The following CSMD1 variants were observed in gnomAD, a reference collection of about 807,000 sequenced individuals.
The protein encoded by CSMD1 is CUB and sushi domain-containing protein 1.
Under a neutral mutation model 417.5 loss-of-function variants are expected in CSMD1, and 213 were observed. The ratio of observed to expected loss-of-function variants is 0.51; its 90% confidence interval spans 0.46 to 0.57. CSMD1 has a LOEUF of 0.57. Ranked by LOEUF, CSMD1 falls within the 20% of genes least tolerant of loss-of-function variation. The probability of loss-of-function intolerance (pLI) is 0.00; values close to 1 mark genes in which losing one functional copy is unlikely to be tolerated. For synonymous variants in CSMD1, 2,862 were observed against 1,736.8 expected, an observed-to-expected ratio of 1.65 and a Z score of -16.11; for missense variants, 6,923 against 4,529.7, an observed-to-expected ratio of 1.53 and a Z score of -15.17.
At chr8:4,733,075 G>C (rs1810008661) in intron 1 of CSMD1, among the ~76,000 whole-genome samples, 2 of 151,912 alleles carry the variant, frequency 1.3e-5, no homozygotes, top group African/African-American at 4.8e-5. Flanking sequence ...ACCGAGGTTG[G>C]TATTTAAAAT....
chr8:3,629,376 A>G lies in CSMD1; in HGVS notation c.1010-12579T>C, dbSNP rs562781528. ...AGCGTCCTCCATTATTTATATGTGTATTTAGTTACATATAGTTATTGTTGG... is the reference window on the plus strand; with the variant it reads ...AGCGTCCTCCATTATTTATATGTGTGTTTAGTTACATATAGTTATTGTTGG... On this transcript the variant is annotated intron_variant, in intron 7 of 69. Transcript: ENST00000635120. Among the ~76,000 whole-genome samples, 296 of 152,244 alleles carry G rather than the reference A, an allele frequency of 1.9e-3. 2 individuals are homozygous for G. Among genetic ancestry groups the G allele is most frequent in the African/African-American group, 6.8e-3 (284 of 41,542 alleles).
At chr8:4,855,552 T>C (rs550273633) in intron 1 of CSMD1, among the ~76,000 whole-genome samples, 1 of 151,918 alleles carries the variant, frequency 6.6e-6, no homozygotes, top group African/African-American at 2.4e-5. Context: ...GAATAACCAA[T>C]ACCAAGAACT....
At chr8:4,287,620 C>A (rs1157137246) in intron 3 of CSMD1, among the ~76,000 whole-genome samples, 9 of 151,366 alleles carry the variant, frequency 5.9e-5, no homozygotes, top group Non-Finnish European at 7.4e-5. Context: ...TTTACATAAC[C>A]TTAATTAAAT....
intron 5 of CSMD1, among the ~76,000 whole-genome samples, 189 bp downstream of exon 5, chr8:3,997,714 G>C (rs576884332): frequency 5.3e-5 from 8 of 152,186 alleles, no homozygotes; most frequent in Non-Finnish European, 7.4e-5. Flanking sequence ...CCAGCACAAA[G>C]ACATCTTAGA....
intron 50 of CSMD1, among the ~76,000 whole-genome samples, chr8:3,035,424 A>C (rs577079316): frequency 6.6e-6 from 1 of 152,150 alleles, no homozygotes; most frequent in African/African-American, 2.4e-5. Flanking sequence ...GCTCACCCCA[A>C]CCAAGCCAGA....
intron 52 of CSMD1, among the ~76,000 whole-genome samples, chr8:3,016,468 T>G (rs570025496): frequency 6.6e-6 from 1 of 152,232 alleles, no homozygotes; most frequent in Non-Finnish European, 1.5e-5. Context: ...ATGTCTTTGA[T>G]AAAGGAATAT....
intron 2 of CSMD1, among the ~76,000 whole-genome samples, chr8:4,491,154 G>C (rs145503032): frequency 5.3e-5 from 8 of 152,114 alleles, no homozygotes; most frequent in Non-Finnish European, 1.0e-4. Flanking sequence ...CCAAGACACA[G>C]GTTTACCTAT....
intron 2 of CSMD1, among the ~76,000 whole-genome samples, chr8:4,455,518 G>A (rs1191782659): frequency 6.6e-6 from 1 of 152,130 alleles, no homozygotes; most frequent in Non-Finnish European, 1.5e-5. Context: ...CTCTGCAGCT[G>A]GACCAGAAAC....
intron 1 of CSMD1, among the ~76,000 whole-genome samples, chr8:4,729,419 C>G (rs191648494): frequency 1.3e-5 from 2 of 152,220 alleles, no homozygotes; most frequent in East Asian, 3.9e-4. Flanking sequence ...GTATCCACAA[C>G]TTCTTCAAAG....
Position 4,167,902 on chromosome 8 carries a change from C to T in CSMD1, c.416-135803G>A, listed in dbSNP as rs894356074. Among the ~76,000 whole-genome samples, 30 of 151,740 alleles carry T rather than the reference C, an allele frequency of 2.0e-4. No homozygotes were observed. The East Asian group carries it at 4.1e-3, about 21-fold the overall frequency. On this transcript the variant is annotated intron_variant, in intron 3 of 69. Coordinates refer to ENST00000635120, the MANE Select transcript of CSMD1 (RefSeq NM_033225.6). ...CAGCACTTTGGGAGGCTGAGGCAGG[C>T]GGACTGCCTGAGGTCAGGAGTTCAA... is the stretch of plus-strand genomic sequence containing the variant.
chr8:3,640,615 G>A lies in CSMD1; in HGVS notation c.1010-23818C>T, dbSNP rs549340168. Among the ~76,000 whole-genome samples, 17 of 152,348 alleles carry A rather than the reference G, an allele frequency of 1.1e-4. No individual in the cohort carries two copies. The East Asian group carries it at 2.9e-3, about 26-fold the overall frequency. On this transcript the variant is annotated intron_variant, in intron 7 of 69. Coordinates refer to ENST00000635120, the MANE Select transcript of CSMD1 (RefSeq NM_033225.6). Reference sequence around the variant, plus strand: ...CACTACAAAATCAAAGGTGGTCTCTGAGACCTCAGTCGTCCTGCTACGTAA... The same window carrying A: ...CACTACAAAATCAAAGGTGGTCTCTAAGACCTCAGTCGTCCTGCTACGTAA...
Position 3,398,512 on chromosome 8 carries a change from G to C in CSMD1, c.2405+879C>G, listed in dbSNP as rs150973500. Among the ~76,000 whole-genome samples the C allele has an allele frequency of 2.0e-5, 3 of 152,128 alleles. No homozygotes were observed. In the East Asian group the frequency reaches 5.8e-4, roughly 29 times the overall value. ...CCTTTCCTGTGTTGATGTTAGCATT[G>C]ATCATTTGAAAACAAAAAGATAATA... On this transcript the variant is annotated intron_variant, in intron 16 of 69. Coordinates refer to ENST00000635120, the MANE Select transcript of CSMD1 (RefSeq NM_033225.6).
chr8:3,188,783 G>T, intron 35 of CSMD1, 104 bp downstream of exon 35: 1 of 851,182 alleles, frequency 1.2e-6, no homozygotes, highest in Non-Finnish European at 1.6e-6. Context: ...AAGAGAGAGG[G>T]AGAGAGAGAG....
chr8:3,600,309 A>C (rs1188666146), intron 8 of CSMD1, among the ~76,000 whole-genome samples: 1 of 152,204 alleles, frequency 6.6e-6, no homozygotes. Context: ...AAGGGCATTT[A>C]ATGCTGTTGA....
chr8:3,430,742 G>A (rs900954903), intron 12 of CSMD1, among the ~76,000 whole-genome samples: 3 of 152,168 alleles, frequency 2.0e-5, no homozygotes, highest in Admixed American at 6.5e-5. Flanking sequence ...TGGAGGTGGA[G>A]GTTGCAGTGA....
At chr8:4,007,259 A>G (rs1816197487) in intron 4 of CSMD1, among the ~76,000 whole-genome samples, 2 of 152,156 alleles carry the variant, frequency 1.3e-5, no homozygotes, top group African/African-American at 2.4e-5. Flanking sequence ...ATAAAACCAA[A>G]GCTTACCAGG....
intron 46 of CSMD1, among the ~76,000 whole-genome samples, chr8:3,098,337 C>T (rs1043383980): frequency 3.3e-5 from 5 of 152,088 alleles, no homozygotes; most frequent in African/African-American, 1.2e-4. Flanking sequence ...AACAGATGAG[C>T]GAAGCTTATG....
chr8:3,547,233 C>A lies in CSMD1; in HGVS notation c.1344+27712G>T, dbSNP rs559072557. On this transcript the variant is annotated intron_variant, in intron 10 of 69. Coordinates refer to ENST00000635120, the MANE Select transcript of CSMD1 (RefSeq NM_033225.6). ...TTGACTTCGGCCTTAAATAAGTGAG[C>A]AAGCCTCTTCTTGTGTTATGAGCAC... 6.6e-5 allele frequency among the ~76,000 whole-genome samples: 10 copies of A among 152,310 alleles called. No individual in the cohort carries two copies. In the East Asian group the frequency reaches 1.3e-3, roughly 21 times the overall value.
intron 2 of CSMD1, among the ~76,000 whole-genome samples, chr8:4,439,904 T>G (rs1250277083): frequency 6.6e-6 from 1 of 152,182 alleles, no homozygotes; most frequent in African/African-American, 2.4e-5. Context: ...ACACAACAGT[T>G]AACAAGCTTA....
Sources: allele counts gnomAD v4.1 joint callset (sites outside exome capture counted in the v4.1 genomes callset), GRCh38; gene constraint gnomAD v4.1.1; transcripts MANE v1.5; gene names NCBI Gene and HGNC (gene_info 2026-07-23, HGNC 2026-07-21).